TRIP12: variants seen among roughly 807,000 people sequenced by gnomAD.
The protein encoded by TRIP12 is E3 ubiquitin-protein ligase TRIP12.
In TRIP12, 25 loss-of-function variants were observed where a neutral mutation model predicts 244.2. The ratio of observed to expected loss-of-function variants is 0.10; its 90% CI spans 0.07 to 0.14. The LOEUF is 0.14. Among genes scored for constraint, TRIP12 ranks in the 10% least tolerant of loss-of-function variants. The pLI is 1.00. For missense variants in TRIP12, 1,677 were observed against 2,486.4 expected (o/e 0.67, Z 6.92); for synonymous variants, 905 against 873.1 (o/e 1.04, Z -0.64).
rs1421987674 is a variant in TRIP12, at chr2:229,831,355, A to T, written c.1271-516T>A. On this transcript the variant is annotated intron_variant, in intron 6 of 41. Coordinates refer to ENST00000675903, the MANE Select transcript of TRIP12 (RefSeq NM_001348323.3). ...ATTAACTTCAAGAGTGCAAAAAGAT[A>T]TTACAACTAACAGATGACTGCTATG... Among the ~76,000 whole-genome samples the T allele has an allele frequency of 2.6e-5, 4 of 152,252 alleles. No homozygotes were observed. In the East Asian group the frequency reaches 7.7e-4, roughly 29 times the overall value.
intron 1 of TRIP12, among the ~76,000 whole-genome samples, chr2:229,890,607 A>G (rs886593403): frequency 2.0e-5 from 3 of 152,244 alleles, no homozygotes; most frequent in African/African-American, 7.2e-5. Context: ...GAAAGGAAGC[A>G]TTAAAATGTA....
Position 229,795,116 on chromosome 2 carries a change from T to TA in TRIP12, c.3968+62dup, listed in dbSNP as rs2042499113. ...GACTTTACCAGACCTCTTGCCATCT[T>TA]ACTTCAGTGAAATTAAGTACCAAAT... On this transcript the variant is annotated intron_variant, in intron 26 of 41. Coordinates refer to ENST00000675903, the MANE Select transcript of TRIP12 (RefSeq NM_001348323.3). 1.9e-6 allele frequency: 3 copies of TA among 1,560,610 alleles called. No individual in the cohort carries two copies. The African/African-American group carries it at 4.1e-5, about 21-fold the overall frequency.
At chr2:229,822,736 G>GA (rs146743478) in intron 8 of TRIP12, among the ~76,000 whole-genome samples, 8 of 151,764 alleles carry the variant, frequency 5.3e-5, no homozygotes, top group Admixed American at 2.0e-4. Flanking sequence ...TTAAGTGGGG[G>GA]AAAAAAAGAC....
intron 2 of TRIP12, among the ~76,000 whole-genome samples, chr2:229,879,412 C>A (rs1458856811): frequency 1.3e-5 from 2 of 152,166 alleles, no homozygotes; most frequent in Non-Finnish European, 2.9e-5. Flanking sequence ...CAAGAAAACA[C>A]ATCTGATCTG....
chr2:229,813,966 T>C lies in TRIP12; in HGVS notation c.1890A>G (p.Leu630=). ...FFSINAQRNA[L]AIAANCCQSI... ...TCTGGCAGCAATTAGCTGCAATTGC[T>C]AATGCATTTCTTTGGGCATTTATGC... Residue 630 remains leucine, a synonymous_variant, in exon 13 of 42, where the codon TTA becomes TTG. Transcript: ENST00000675903. 2 of 1,599,558 alleles carry C rather than the reference T, an allele frequency of 1.3e-6. No homozygotes were observed. The highest frequency in any genetic ancestry group is 1.7e-6 in the Non-Finnish European group (2 of 1,168,398).
chr2:229,908,686 T>C (rs533410809), intron 1 of TRIP12, among the ~76,000 whole-genome samples: 2 of 151,598 alleles, frequency 1.3e-5, no homozygotes, highest in Admixed American at 6.6e-5. Context: ...TGAGCCGAGA[T>C]TGCGCCACTA....
intron 2 of TRIP12, among the ~76,000 whole-genome samples, chr2:229,869,487 C>T (rs1439176672): frequency 6.6e-6 from 1 of 152,190 alleles, no homozygotes; most frequent in Non-Finnish European, 1.5e-5. Context: ...GAGCCCAGAT[C>T]AATGAGGTCA....
At chr2:229,881,709 GAGA>G (rs2064914306) in intron 1 of TRIP12, among the ~76,000 whole-genome samples, 1 of 152,158 alleles carries the variant, frequency 6.6e-6, no homozygotes, top group Non-Finnish European at 1.5e-5. Flanking sequence ...CAGGCAGAGA[GAGA>G]AGAAAAGGTT....
intron 1 of TRIP12, among the ~76,000 whole-genome samples, chr2:229,916,009 C>T (rs899342700): frequency 3.3e-5 from 5 of 152,164 alleles, no homozygotes; most frequent in Non-Finnish European, 5.9e-5. Context: ...AAGTAGGATA[C>T]CTATGCATAT....
chr2:229,877,468 G>C (rs1297673880), intron 2 of TRIP12, among the ~76,000 whole-genome samples: 4 of 152,204 alleles, frequency 2.6e-5, no homozygotes, highest in African/African-American at 9.7e-5. Flanking sequence ...AGAGGGCAGA[G>C]GCTGCAGTGA....
intron 4 of TRIP12, among the ~76,000 whole-genome samples, chr2:229,848,892 A>G (rs1200851016): frequency 3.3e-5 from 5 of 152,372 alleles, no homozygotes; most frequent in Admixed American, 2.6e-4. Flanking sequence ...TCAGGGTGGT[A>G]TAACATTTTC....
chr2:229,824,231 A>G (rs2050866397), intron 8 of TRIP12, among the ~76,000 whole-genome samples: 1 of 152,218 alleles, frequency 6.6e-6, no homozygotes. Flanking sequence ...GGGTACCACT[A>G]AAAGAAATAT....
chr2:229,836,036 C>T (rs1281710273), intron 6 of TRIP12, among the ~76,000 whole-genome samples: 1 of 152,134 alleles, frequency 6.6e-6, no homozygotes, highest in African/African-American at 2.4e-5. Flanking sequence ...ACATCAATAG[C>T]GGGTAAACCA....
At position 229,765,564 on chromosome 2, in the gene TRIP12, T is replaced by C. The variant is rs982198127; in HGVS notation, c.*1990A>G. On this transcript the variant is annotated 3_prime_UTR_variant, in exon 42 of 42. Coordinates refer to ENST00000675903, the MANE Select transcript of TRIP12 (RefSeq NM_001348323.3). The stretch of plus-strand genomic sequence containing the variant: ...ATGCTGGAATCAATGAGGCCAAATT[T>C]GCCAGGGCTGCAACATGGATAAAAT... The C allele has an allele frequency of 6.6e-6, 1 of 152,226 alleles. No individual in the cohort carries two copies. The highest frequency in any genetic ancestry group is 1.5e-5 in the Non-Finnish European group (1 of 68,034). 9.4% of individuals were successfully genotyped at this position (152,226 alleles called of 1,614,324 possible). A position where few individuals can be genotyped will look rare whatever the true frequency, so the allele number is the denominator to read the frequency against.
chr2:229,850,680 C>T (rs1203531024), intron 4 of TRIP12, among the ~76,000 whole-genome samples: 1 of 152,222 alleles, frequency 6.6e-6, no homozygotes, highest in Non-Finnish European at 1.5e-5. Flanking sequence ...CTGGCCAAGG[C>T]CAGAGCCCAC....
chr2:229,777,782 G>T (rs1440767967), intron 36 of TRIP12, among the ~76,000 whole-genome samples: 1 of 152,142 alleles, frequency 6.6e-6, no homozygotes, highest in Non-Finnish European at 1.5e-5. Context: ...CTGATAAACT[G>T]CCCACTCTTC....
chr2:229,807,658 C>T, intron 17 of TRIP12, 50 bp downstream of exon 17: 2 of 1,609,298 alleles, frequency 1.2e-6, no homozygotes, highest in African/African-American at 1.3e-5. Flanking sequence ...ATCCCTACAC[C>T]CACTCTCCAA....
chr2:229,815,951 A>G (rs1396980006), intron 9 of TRIP12, among the ~76,000 whole-genome samples: 1 of 152,216 alleles, frequency 6.6e-6, no homozygotes, highest in African/African-American at 2.4e-5. Context: ...AAAGATCTTA[A>G]GCAGATTTCA....
chr2:229,813,593 G>C (rs895660228), intron 13 of TRIP12, among the ~76,000 whole-genome samples: 1 of 152,202 alleles, frequency 6.6e-6, no homozygotes, highest in Non-Finnish European at 1.5e-5. Context: ...AGACCAGCCT[G>C]GCCAACATAG....
Sources: gnomAD v4.1 joint callset for allele counts (sites outside exome capture counted in the v4.1 genomes callset) on GRCh38, gnomAD v4.1.1 for gene constraint, MANE v1.5 for transcripts, NCBI Gene and HGNC (gene_info 2026-07-23, HGNC 2026-07-21) for gene names.